The following STX8 variants were observed in gnomAD, a reference collection of about 807,000 sequenced individuals.
STX8 encodes the protein syntaxin-8.
STX8 carries 23 observed loss-of-function variants against 37.5 expected under a neutral mutation model. That is an observed-to-expected ratio of 0.61 (90% CI 0.44 to 0.87). The LOEUF is 0.87. Ranked by LOEUF, STX8 falls within the 40% of genes least tolerant of loss-of-function variation. The probability of loss-of-function intolerance (pLI) is 0.00; values close to 1 mark genes in which losing one functional copy is unlikely to be tolerated. For synonymous variants in STX8, 115 were observed against 99.1 expected, an observed-to-expected ratio of 1.16 and a Z score of -0.95; for missense variants, 313 against 284.7, an observed-to-expected ratio of 1.10 and a Z score of -0.71.
intron 7 of STX8, among the ~76,000 whole-genome samples, chr17:9,298,244 G>C (rs1908637922): frequency 6.6e-6 from 1 of 152,228 alleles, no homozygotes; most frequent in African/African-American, 2.4e-5. Context: ...AAAAGTGTCA[G>C]TGACTGAAGG....
intron 7 of STX8, among the ~76,000 whole-genome samples, chr17:9,370,463 C>T (rs895286762): frequency 1.3e-5 from 2 of 152,288 alleles, no homozygotes; most frequent in East Asian, 1.9e-4. Context: ...GGACGCCACA[C>T]CTGTGCTGCA....
At chr17:9,327,072 G>A (rs897004930) in intron 7 of STX8, among the ~76,000 whole-genome samples, 6 of 151,684 alleles carry the variant, frequency 4.0e-5, no homozygotes, top group African/African-American at 9.7e-5. Context: ...CAGGAGAATC[G>A]CTTGAACCTG....
chr17:9,304,507 C>CAAAAAAAAAAAA (rs35673905), intron 7 of STX8, among the ~76,000 whole-genome samples: 12 of 56,822 alleles, frequency 2.1e-4, no homozygotes, highest in East Asian at 5.8e-4. Context: ...GAAACTGTCT[C>CAAAAAAAAAAAA]AAAAAAAAAA....
intron 6 of STX8, among the ~76,000 whole-genome samples, chr17:9,456,199 TA>T (rs1222697472): frequency 6.6e-6 from 1 of 152,052 alleles, no homozygotes; most frequent in Non-Finnish European, 1.5e-5. Flanking sequence ...AATTACTTTT[TA>T]AAAAAACCCA....
intron 7 of STX8, among the ~76,000 whole-genome samples, chr17:9,354,086 A>G (rs947042729): frequency 6.6e-6 from 1 of 152,096 alleles, no homozygotes; most frequent in African/African-American, 2.4e-5. Context: ...AAATTCCATC[A>G]ATTTTAAATA....
chr17:9,458,325 A>AT (rs1295694761), intron 6 of STX8, among the ~76,000 whole-genome samples: 1 of 152,036 alleles, frequency 6.6e-6, no homozygotes, highest in East Asian at 1.9e-4. Flanking sequence ...AATTTTTTGT[A>AT]TTTTTAGTAG....
chr17:9,353,979 C>T (rs1203453506), intron 7 of STX8, among the ~76,000 whole-genome samples: 1 of 152,172 alleles, frequency 6.6e-6, no homozygotes, highest in East Asian at 1.9e-4. Context: ...TTCTGACTTT[C>T]CTCCTCATCA....
At position 9,434,243 on chromosome 17, in the gene STX8, T is replaced by C. The variant is rs532195708; in HGVS notation, c.542-55590A>G. ...GGGTCTCGATCTCTGGACCTCGTGA[T>C]CCGCCGGCCTCAGCCTCCCAAAGTG... On this transcript the variant is annotated intron_variant, in intron 6 of 7. Coordinates refer to ENST00000306357, the MANE Select transcript of STX8 (RefSeq NM_004853.3). 3.0e-4 allele frequency among the ~76,000 whole-genome samples: 46 copies of C among 152,300 alleles called. No individual in the cohort carries two copies. In the South Asian group the frequency reaches 9.3e-3, roughly 31 times the overall value.
chr17:9,570,438 A>G (rs1907644925), intron 1 of STX8, among the ~76,000 whole-genome samples: 1 of 152,034 alleles, frequency 6.6e-6, no homozygotes, highest in Non-Finnish European at 1.5e-5. Flanking sequence ...ATTCACATAT[A>G]TCATATATAT....
chr17:9,449,492 C>T lies in STX8; in HGVS notation c.541+42337G>A, dbSNP rs190447534. On this transcript the variant is annotated intron_variant, in intron 6 of 7. Transcript: ENST00000306357. ...GGAGAATGGCGTGAACCCCGGGGGA[C>T]GGAGCCTGCAGTGAGCCGAGATGGA... is the stretch of plus-strand genomic sequence containing the variant. Among the ~76,000 whole-genome samples the T allele has an allele frequency of 2.0e-3, 300 of 152,182 alleles. 4 individuals carry two copies. Among genetic ancestry groups the T allele is most frequent in the Admixed American group, 0.014 (211 of 15,286 alleles).
chr17:9,424,900 C>T (rs1913569824), intron 6 of STX8, among the ~76,000 whole-genome samples: 1 of 152,014 alleles, frequency 6.6e-6, no homozygotes, highest in Non-Finnish European at 1.5e-5. Flanking sequence ...AAAACAAATT[C>T]AGAAATAACT....
At chr17:9,323,390 A>G (rs977753668) in intron 7 of STX8, among the ~76,000 whole-genome samples, 1 of 152,224 alleles carries the variant, frequency 6.6e-6, no homozygotes, top group African/African-American at 2.4e-5. Flanking sequence ...ATTTTCTTCA[A>G]GAGCTATGAT....
At chr17:9,458,482 T>G (rs987593990) in intron 6 of STX8, among the ~76,000 whole-genome samples, 2 of 152,178 alleles carry the variant, frequency 1.3e-5, no homozygotes, top group African/African-American at 4.8e-5. Context: ...GAGAGTTGAG[T>G]TGAAATCTGT....
At chr17:9,443,500 G>T (rs1904736431) in intron 6 of STX8, among the ~76,000 whole-genome samples, 1 of 152,078 alleles carries the variant, frequency 6.6e-6, no homozygotes, top group Non-Finnish European at 1.5e-5. Flanking sequence ...CCTAATAACT[G>T]CTTCTTAACA....
intron 6 of STX8, among the ~76,000 whole-genome samples, chr17:9,435,230 G>T (rs2142377307): frequency 6.6e-6 from 1 of 152,286 alleles, no homozygotes; most frequent in Non-Finnish European, 1.5e-5. Flanking sequence ...TGCATTTGAA[G>T]GACCGTTCAG....
At chr17:9,298,848 C>A (rs189524470) in intron 7 of STX8, among the ~76,000 whole-genome samples, 187 of 151,538 alleles carry the variant, frequency 1.2e-3, no homozygotes, top group Middle Eastern at 6.8e-3. Context: ...AAAACCAAAC[C>A]AAACCTGAGT....
chr17:9,357,250 G>A (rs1226536397), intron 7 of STX8, among the ~76,000 whole-genome samples: 3 of 152,014 alleles, frequency 2.0e-5, no homozygotes, highest in East Asian at 3.9e-4. Context: ...TTATAGGCGT[G>A]AGCCACTGCG....
intron 6 of STX8, among the ~76,000 whole-genome samples, chr17:9,408,950 C>T (rs548782104): frequency 3.3e-4 from 50 of 152,218 alleles, no homozygotes; most frequent in Middle Eastern, 3.4e-3. Context: ...ATCGTACCTA[C>T]TGGAATGCAC....
intron 7 of STX8, among the ~76,000 whole-genome samples, chr17:9,295,723 C>G (rs1300535697): frequency 6.6e-6 from 1 of 151,618 alleles, no homozygotes; most frequent in Non-Finnish European, 1.5e-5. Flanking sequence ...AGCGTGACGA[C>G]AGAATGAGAT....
Sources: allele counts gnomAD v4.1 joint callset (sites outside exome capture counted in the v4.1 genomes callset), GRCh38; gene constraint gnomAD v4.1.1; transcripts MANE v1.5; gene names NCBI Gene and HGNC (gene_info 2026-07-23, HGNC 2026-07-21).